MGAT4C: variants seen among roughly 807,000 people sequenced by gnomAD.
MGAT4C encodes MGAT4 family member C, also known as alpha-1,3-mannosyl-glycoprotein 4-beta-N-acetylglucosaminyltransferase C.
Under a neutral mutation model 40.1 loss-of-function variants are expected in MGAT4C, and 19 were observed. The observed-to-expected ratio is 0.47, with a 90% CI of 0.33 to 0.70. MGAT4C has a LOEUF of 0.70. Among genes scored for constraint, MGAT4C ranks in the 30% least tolerant of loss-of-function variants. The pLI is 0.02. For synonymous variants in MGAT4C, 181 were observed against 187.1 expected, an observed-to-expected ratio of 0.97 and a Z score of 0.27; for missense variants, 491 against 563.2, an observed-to-expected ratio of 0.87 and a Z score of 1.30.
chr12:86,697,325 T>C (rs1024477409), intron 2 of MGAT4C, among the ~76,000 whole-genome samples: 1 of 152,126 alleles, frequency 6.6e-6, no homozygotes, highest in Non-Finnish European at 1.5e-5. Flanking sequence ...TGAGTGTTTC[T>C]GCAATCTTGA....
intron 4 of MGAT4C, among the ~76,000 whole-genome samples, chr12:86,320,096 T>C (rs980939839): frequency 6.6e-6 from 1 of 152,120 alleles, no homozygotes; most frequent in Non-Finnish European, 1.5e-5. Context: ...CCATACTTCC[T>C]GACACTACAA....
At chr12:86,408,479 C>CTCTCTCTCTATATATA (rs1267344319) in intron 3 of MGAT4C, among the ~76,000 whole-genome samples, 22 of 63,342 alleles carry the variant, frequency 3.5e-4, no homozygotes, top group African/African-American at 9.4e-4. Flanking sequence ...CTCTCTCTCT[C>CTCTCTCTCTATATATA]TATATATATA....
chr12:86,519,187 C>G (rs951015408), intron 2 of MGAT4C, among the ~76,000 whole-genome samples: 14 of 152,174 alleles, frequency 9.2e-5, no homozygotes, highest in African/African-American at 3.4e-4. Flanking sequence ...TTTATTTTCA[C>G]TTAACATAAT....
intron 2 of MGAT4C, among the ~76,000 whole-genome samples, chr12:86,670,761 C>T (rs1170174655): frequency 6.6e-6 from 1 of 152,142 alleles, no homozygotes; most frequent in Non-Finnish European, 1.5e-5. Context: ...GGCATATGGT[C>T]ACCAGACTGT....
chr12:86,562,450 C>A (rs1373192711), intron 2 of MGAT4C, among the ~76,000 whole-genome samples: 1 of 151,966 alleles, frequency 6.6e-6, no homozygotes, highest in Non-Finnish European at 1.5e-5. Context: ...CTTTTTTTGC[C>A]AGAGGAAAAA....
chr12:86,089,175 T>C (rs1430660503), intron 1 of MGAT4C, among the ~76,000 whole-genome samples: 1 of 151,990 alleles, frequency 6.6e-6, no homozygotes, highest in Non-Finnish European at 1.5e-5. Flanking sequence ...GAAAGCCTAA[T>C]ATAAGTATAA....
chr12:86,602,883 CGTGTGTGTGTGTGT>C (rs35262458), intron 2 of MGAT4C, among the ~76,000 whole-genome samples: 11 of 147,572 alleles, frequency 7.5e-5, no homozygotes, highest in African/African-American at 2.7e-4. Flanking sequence ...TGCCCATCTG[CGTGTGTGTGTGTGT>C]GTGTGTGTGT....
intron 1 of MGAT4C, among the ~76,000 whole-genome samples, chr12:86,202,190 C>T (rs1950078326): frequency 1.3e-5 from 2 of 151,972 alleles, no homozygotes; most frequent in South Asian, 4.1e-4. Context: ...TGCCTTAGTT[C>T]AAATCTTAGT....
intron 2 of MGAT4C, among the ~76,000 whole-genome samples, chr12:85,997,438 G>A (rs528484860): frequency 3.8e-4 from 58 of 152,122 alleles, no homozygotes; most frequent in Admixed American, 2.8e-3. Flanking sequence ...GTCTAAACTC[G>A]TTTCAGCATT....
chr12:86,831,898 A>G (rs1593248301), intron 1 of MGAT4C, among the ~76,000 whole-genome samples: 1 of 151,818 alleles, frequency 6.6e-6, no homozygotes, highest in Admixed American at 6.6e-5. Context: ...TATGATGATT[A>G]TATTTCTTGT....
intron 2 of MGAT4C, among the ~76,000 whole-genome samples, chr12:86,538,212 G>A (rs1340163656): frequency 6.6e-6 from 1 of 152,234 alleles, no homozygotes; most frequent in African/African-American, 2.4e-5. Context: ...TTAGGGAACT[G>A]GCCAAAGTAC....
intron 2 of MGAT4C, among the ~76,000 whole-genome samples, chr12:86,618,156 A>G (rs1345879660): frequency 1.3e-5 from 2 of 152,160 alleles, no homozygotes; most frequent in African/African-American, 2.4e-5. Context: ...TAGAATTGCT[A>G]TTATCCAAAT....
intron 2 of MGAT4C, among the ~76,000 whole-genome samples, chr12:86,468,067 G>T: frequency 6.6e-6 from 1 of 152,056 alleles, no homozygotes; most frequent in African/African-American, 2.4e-5. Flanking sequence ...TGTCTCAAAT[G>T]AATATCCACA....
At chr12:86,617,416 G>A (rs781330242) in intron 2 of MGAT4C, among the ~76,000 whole-genome samples, 1 of 152,048 alleles carries the variant, frequency 6.6e-6, no homozygotes, top group Non-Finnish European at 1.5e-5. Flanking sequence ...TGGACATCTC[G>A]AGTCTCACCA....
At chr12:86,741,728 C>T (rs1951073200) in intron 1 of MGAT4C, among the ~76,000 whole-genome samples, 1 of 151,380 alleles carries the variant, frequency 6.6e-6, no homozygotes, top group Non-Finnish European at 1.5e-5. Flanking sequence ...AATGATTCAT[C>T]TTCCTCTTAT....
At chr12:86,432,732 GTAA>G (rs1383603995) in intron 3 of MGAT4C, among the ~76,000 whole-genome samples, 1 of 152,008 alleles carries the variant, frequency 6.6e-6, no homozygotes, top group African/African-American at 2.4e-5. Flanking sequence ...AATTTGAAAA[GTAA>G]TAAAAACTTT....
chr12:86,673,189 G>C (rs552290830), intron 2 of MGAT4C, among the ~76,000 whole-genome samples: 93 of 152,190 alleles, frequency 6.1e-4, no homozygotes, highest in Non-Finnish European at 9.7e-4. Context: ...ACGCTGTCTG[G>C]AGACAAATCA....
intron 1 of MGAT4C, among the ~76,000 whole-genome samples, chr12:86,159,323 T>G (rs1188009000): frequency 6.6e-6 from 1 of 152,084 alleles, no homozygotes; most frequent in African/African-American, 2.4e-5. Flanking sequence ...TGAATCACAT[T>G]TATTGATTTG....
chr12:86,205,544 A>G (rs2135944390), intron 1 of MGAT4C, among the ~76,000 whole-genome samples: 1 of 151,862 alleles, frequency 6.6e-6, no homozygotes. Context: ...TATTGTAACC[A>G]GAAATTAGAT....
Sources: allele counts gnomAD v4.1 joint callset (sites outside exome capture counted in the v4.1 genomes callset), GRCh38; gene constraint gnomAD v4.1.1; transcripts MANE v1.5; gene names NCBI Gene and HGNC (gene_info 2026-07-23, HGNC 2026-07-21).